The following DACT3 variants were observed in gnomAD, a reference collection of about 807,000 sequenced individuals.
The protein encoded by DACT3 is dishevelled binding antagonist of beta catenin 3.
DACT3 carries 5 observed loss-of-function variants against 19.6 expected under a neutral mutation model. The ratio of observed to expected loss-of-function variants is 0.26; its 90% CI spans 0.13 to 0.54. DACT3 has a LOEUF of 0.54. DACT3 is among the 20% of genes least tolerant of loss of function. The pLI, the probability that DACT3 is intolerant of heterozygous loss-of-function variation, is 0.95. For synonymous variants in DACT3, 454 were observed against 428.1 expected (o/e 1.06, Z -0.75); for missense variants, 908 against 927.4 (o/e 0.98, Z 0.27).
At chr19:46,652,613 C>A in intron 3 of DACT3, 47 bp downstream of exon 3, 2 of 1,540,882 alleles carry the variant, frequency 1.3e-6, no homozygotes, top group African/African-American at 2.7e-5. Context: ...AACCATCCTC[C>A]TACTGTCCTT....
At chr19:46,654,104 G>A in intron 1 of DACT3, 1 of 985,328 alleles carries the variant, frequency 1.0e-6, no homozygotes, top group Non-Finnish European at 1.2e-6. Context: ...ACGTTCCTTT[G>A]CCCTAGAGAC....
Position 46,660,774 on chromosome 19 carries a change from A to G in DACT3, c.249+42T>C, listed in dbSNP as rs2053069480. Reference sequence around the variant, plus strand: ...GAGCATCCAACCGAGACAGACAGACACAGACGGGGGTGGAGGGACGGACGG... The same window carrying G: ...GAGCATCCAACCGAGACAGACAGACGCAGACGGGGGTGGAGGGACGGACGG... On this transcript the variant is annotated intron_variant, in intron 1 of 3. Transcript: ENST00000391916. This position sits in a 1 kb window ranked among gnomAD's most constrained non-coding sequence, Gnocchi z 4.9. The G allele has an allele frequency of 1.4e-6, 2 of 1,443,196 alleles. No homozygotes were observed. Among genetic ancestry groups the G allele is most frequent in the Non-Finnish European group, 1.8e-6 (2 of 1,102,904 alleles). The allele number at this position is 1,443,196 out of a possible 1,614,324, so 89.4% of individuals were successfully genotyped here.
At position 46,659,346 on chromosome 19, in the gene DACT3, A is replaced by T. The variant is rs926599459; in HGVS notation, c.249+1470T>A. ...AGGAGAGGGAGACTGAAGGGCAGAG[A>T]TGGGGAAGGTGAAGGGTGAAAAGGG... is the stretch of plus-strand genomic sequence containing the variant. On this transcript the variant is annotated intron_variant, in intron 1 of 3. Transcript: ENST00000391916. 1.7e-5 allele frequency: 16 copies of T among 944,794 alleles called. No homozygotes were observed. The African/African-American group carries it at 2.8e-4, about 17-fold the overall frequency. 58.5% of individuals were successfully genotyped at this position (944,794 alleles called of 1,614,324 possible). A position where few individuals can be genotyped will look rare whatever the true frequency, so the allele number is the denominator to read the frequency against.
Position 46,648,941 on chromosome 19 carries a change from G to C in DACT3, c.1431C>G (p.Arg477=). 1.5e-6 allele frequency: 2 copies of C among 1,341,464 alleles called. No individual in the cohort carries two copies. Among genetic ancestry groups the C allele is most frequent in the Non-Finnish European group, 1.9e-6 (2 of 1,051,426 alleles). The allele number at this position is 1,341,464 out of a possible 1,614,324, so 83.1% of individuals were successfully genotyped here. A position where few individuals can be genotyped will look rare whatever the true frequency, so the allele number is the denominator to read the frequency against. Residue 477 remains arginine, a synonymous_variant, in exon 4 of 4, where the codon CGC becomes CGG. Coordinates refer to ENST00000391916, the MANE Select transcript of DACT3 (RefSeq NM_145056.3). The surrounding 1 kb of genome is among the most constrained non-coding windows in gnomAD (Gnocchi z 5.1). Reference sequence around the variant, plus strand: ...CGGCAGCGTCGATCTCCGCAGTGGAGCGCCAGCGACGGCAGGACCCTGCGG... The same window carrying C: ...CGGCAGCGTCGATCTCCGCAGTGGACCGCCAGCGACGGCAGGACCCTGCGG... The part of the protein sequence containing the change: ...AQAAGSCRRW[R]STAEIDAADG...
intron 1 of DACT3, chr19:46,655,097 A>C (rs1599791883): frequency 9.1e-5 from 89 of 980,080 alleles, no homozygotes; most frequent in Non-Finnish European, 9.7e-5. Flanking sequence ...TGGCATGCTC[A>C]CTCCCCTCTA....
Position 46,649,278 on chromosome 19 carries a change from G to T in DACT3, c.1094C>A (p.Ala365Glu). The T allele has an allele frequency of 8.3e-7, 1 of 1,209,936 alleles. No homozygotes were observed. The highest frequency in any genetic ancestry group is 1.6e-5 in the African/African-American group (1 of 62,150). The allele number at this position is 1,209,936 out of a possible 1,614,324, so 75.0% of individuals were successfully genotyped here. A position where few individuals can be genotyped will look rare whatever the true frequency, so the allele number is the denominator to read the frequency against. Residue 365 changes from alanine to glutamate, a missense_variant, in exon 4 of 4, where the codon GCG (alanine) becomes GAG (glutamate). Ala to Glu is a moderately radical substitution (Grantham distance 107). Transcript: ENST00000391916. ...VKAQYIPGAQ[A>E]ATRGLPGRAA... The stretch of plus-strand genomic sequence containing the variant: ...GCGGCCAGGGAGGCCTCGGGTGGCC[G>T]CCTGCGCGCCCGGGATGTACTGCGC...
At chr19:46,652,554 G>A in intron 3 of DACT3, 106 bp downstream of exon 3, 1 of 1,220,506 alleles carries the variant, frequency 8.2e-7, no homozygotes, top group Non-Finnish European at 1.1e-6. Flanking sequence ...AAAAGGAAAT[G>A]TCACAGCTGG....
chr19:46,660,797 C>A lies in DACT3; in HGVS notation c.249+19G>T. 6.8e-7 allele frequency: 1 copy of A among 1,469,546 alleles called. No homozygotes were observed. The highest frequency in any genetic ancestry group is 1.3e-5 in the South Asian group (1 of 74,792). 91.0% of individuals were successfully genotyped at this position (1,469,546 alleles called of 1,614,324 possible). A position where few individuals can be genotyped will look rare whatever the true frequency, so the allele number is the denominator to read the frequency against. ...ACACAGACGGGGGTGGAGGGACGGA[C>A]GGACAGGCAGCCCCTTACCAGCTGC... On this transcript the variant is annotated intron_variant, in intron 1 of 3. Coordinates refer to ENST00000391916, the MANE Select transcript of DACT3 (RefSeq NM_145056.3). The surrounding 1 kb of genome is among the most constrained non-coding windows in gnomAD (Gnocchi z 4.9).
In DACT3 at chr19:46,649,639, C is replaced by A; in HGVS notation, c.733G>T (p.Ala245Ser). 8.8e-7 allele frequency: 1 copy of A among 1,142,226 alleles called. No individual in the cohort carries two copies. Among genetic ancestry groups the A allele is most frequent in the Non-Finnish European group, 1.1e-6 (1 of 932,580 alleles). 70.8% of individuals were successfully genotyped at this position (1,142,226 alleles called of 1,614,324 possible). ...PPTDSPDAGG[A>S]GRPLDGYISA... ...ATGTAGCCGTCCAGGGGCCGCCCTG[C>A]GCCCCCCGCGTCGGGCGAGTCGGTG... Residue 245 changes from alanine to serine, a missense_variant, in exon 4 of 4, where the codon GCA becomes TCA. Coordinates refer to ENST00000391916, the MANE Select transcript of DACT3 (RefSeq NM_145056.3).
At position 46,660,713 on chromosome 19, in the gene DACT3, C is replaced by T; in HGVS notation, c.249+103G>A. ...CCCACCCCCTGTCCTTTCTCACTCCCTGCCTACCCGGGTCCCCAACCCCCG... is the reference window on the plus strand; with the variant it reads ...CCCACCCCCTGTCCTTTCTCACTCCTTGCCTACCCGGGTCCCCAACCCCCG... On this transcript the variant is annotated intron_variant, in intron 1 of 3. Coordinates refer to ENST00000391916, the MANE Select transcript of DACT3 (RefSeq NM_145056.3). This position sits in a 1 kb window ranked among gnomAD's most constrained non-coding sequence, Gnocchi z 4.9. The T allele has an allele frequency of 1.4e-6, 2 of 1,401,234 alleles. No individual in the cohort carries two copies. The highest frequency in any genetic ancestry group is 1.8e-6 in the Non-Finnish European group (2 of 1,083,344). 86.8% of individuals were successfully genotyped at this position (1,401,234 alleles called of 1,614,324 possible).
Position 46,652,706 on chromosome 19 carries a change from G to A in DACT3, c.453C>T (p.Pro151=). Residue 151 remains proline (P), a synonymous_variant, in exon 3 of 4, where the codon CCC becomes CCT. Transcript: ENST00000391916. ...SGSSSYGRLG[P]SEPRGIYASE... ...TGGCATAGATGCCCCGGGGCTCAGA[G>A]GGACCCAGGCGACCATAGGAGCTGG... The A allele has an allele frequency of 6.4e-7, 1 of 1,551,568 alleles. No homozygotes were observed. Among genetic ancestry groups the A allele is most frequent in the Non-Finnish European group, 8.7e-7 (1 of 1,146,992 alleles).
Position 46,649,551 on chromosome 19 carries a change from C to T in DACT3, c.821G>A (p.Gly274Asp). The part of the protein sequence containing the change: ...GAGQPRTSPG[G>D]ADGGPRRQNS... ...CTGGCGCCGCGGGCCGCCGTCCGCG[C>T]CCCCGGGACTGGTCCGGGGCTGGCC... Residue 274 changes from glycine (G) to aspartate (D), a missense_variant, in exon 4 of 4, where the codon GGC becomes GAC. By Grantham distance (94) the Gly-to-Asp change is moderately conservative (BLOSUM62 -1). Transcript: ENST00000391916. 1 of 1,049,236 alleles carries T rather than the reference C, an allele frequency of 9.5e-7. No homozygotes were observed. Among genetic ancestry groups the T allele is most frequent in the Middle Eastern group, 4.4e-4 (1 of 2,256 alleles). The allele number at this position is 1,049,236 out of a possible 1,614,324, so 65.0% of individuals were successfully genotyped here.
At chr19:46,653,699 G>A (rs1016133652) in intron 1 of DACT3, among the ~76,000 whole-genome samples, 6 of 151,796 alleles carry the variant, frequency 4.0e-5, no homozygotes, top group East Asian at 1.9e-4. Context: ...GATTACAGGC[G>A]CCCGCCACCA....
Position 46,660,669 on chromosome 19 carries a change from G to T in DACT3, c.249+147C>A. The stretch of plus-strand genomic sequence containing the variant: ...GGAGGCCAGGTCCGGCCCGCCGCCG[G>T]AACTCCGGGGTCGCCAGCCCCACCC... On this transcript the variant is annotated intron_variant, in intron 1 of 3. Coordinates refer to ENST00000391916, the MANE Select transcript of DACT3 (RefSeq NM_145056.3). This position sits in a 1 kb window ranked among gnomAD's most constrained non-coding sequence, Gnocchi z 4.9. 7.3e-7 allele frequency: 1 copy of T among 1,365,074 alleles called. No individual in the cohort carries two copies. Among genetic ancestry groups the T allele is most frequent in the Non-Finnish European group, 9.4e-7 (1 of 1,060,326 alleles). 84.6% of individuals were successfully genotyped at this position (1,365,074 alleles called of 1,614,324 possible). A position where few individuals can be genotyped will look rare whatever the true frequency, so the allele number is the denominator to read the frequency against.
chr19:46,653,012 C>G lies in DACT3; in HGVS notation c.313G>C (p.Gly105Arg), dbSNP rs2053002088. The change falls in exon 2 of 4, where the codon GGG becomes CGG. Residue 105 changes from glycine to arginine, a missense_variant. By Grantham distance (125) the Gly-to-Arg change is moderately radical. Around this residue, in one of 2 missense-constraint regions of DACT3, gnomAD observed 252 missense variants for 325.6 expected, o/e 0.77. Transcript: ENST00000391916. ...QQLGDLSLES[G>R]GLEQESGRSS... ...CGCCCGCTCTCCTGTTCCAGGCCCC[C>G]AGACTCCAGGCTCAGGTCTCCCAGC... 6.4e-7 allele frequency: 1 copy of G among 1,551,556 alleles called. No individual in the cohort carries two copies. The highest frequency in any genetic ancestry group is 8.7e-7 in the Non-Finnish European group (1 of 1,147,004).
Position 46,661,101 on chromosome 19 carries a change from C to A in DACT3, c.-37G>T. The A allele has an allele frequency of 7.2e-7, 1 of 1,388,796 alleles. No homozygotes were observed. The highest frequency in any genetic ancestry group is 9.3e-7 in the Non-Finnish European group (1 of 1,079,422). The allele number at this position is 1,388,796 out of a possible 1,614,324, so 86.0% of individuals were successfully genotyped here. ...CCCGCCCCAGCCCGGCCGGGCCCCG[C>A]GGCCACCCCTCTCCCGGTCCCACCT... is the stretch of plus-strand genomic sequence containing the variant. On this transcript the variant is annotated 5_prime_UTR_variant, in exon 1 of 4. Transcript: ENST00000391916.
Position 46,648,701 on chromosome 19 carries a change from C to A in DACT3, c.1671G>T (p.Ser557=), listed in dbSNP as rs1338189667. The A allele has an allele frequency of 1.2e-6, 2 of 1,609,738 alleles. No homozygotes were observed. Among genetic ancestry groups the A allele is most frequent in the Admixed American group, 3.3e-5 (2 of 59,788 alleles). Residue 557 remains serine, a synonymous_variant, in exon 4 of 4, where the codon TCG becomes TCT. Coordinates refer to ENST00000391916, the MANE Select transcript of DACT3 (RefSeq NM_145056.3). The surrounding 1 kb of genome is among the most constrained non-coding windows in gnomAD (Gnocchi z 5.1). The stretch of plus-strand genomic sequence containing the variant: ...CGCTGGAGGCAGAGCTGAAGGCAGG[C>A]GATTCTCCCTCGCTGGCGCTCGATT... ...ESESSASEGE[S]PAFSSASSDS...
In DACT3 at chr19:46,649,662, G is replaced by T; in HGVS notation, c.710C>A (p.Thr237Asn). The T allele has an allele frequency of 8.6e-7, 1 of 1,165,446 alleles. No individual in the cohort carries two copies. The highest frequency in any genetic ancestry group is 1.1e-6 in the Non-Finnish European group (1 of 946,312). The allele number at this position is 1,165,446 out of a possible 1,614,324, so 72.2% of individuals were successfully genotyped here. Residue 237 changes from threonine to asparagine, a missense_variant, in exon 4 of 4, where the codon ACC becomes AAC. Around this residue, in one of 2 missense-constraint regions of DACT3, gnomAD observed 656 missense variants for 601.8 expected, o/e 1.09. Transcript: ENST00000391916. ...TGCGCCCCCCGCGTCGGGCGAGTCG[G>T]TGGGAGGGCGGCCGCAGGGCCGCGG... ...RSPRPCGRPP[T>N]DSPDAGGAGR...
intron 1 of DACT3, among the ~76,000 whole-genome samples, chr19:46,656,327 T>C (rs2053034311): frequency 1.3e-5 from 2 of 151,322 alleles, no homozygotes; most frequent in South Asian, 2.1e-4. Flanking sequence ...TGGGATTGCA[T>C]GCGTGAGCCA....
Sources: gnomAD v4.1 joint callset for allele counts (sites outside exome capture counted in the v4.1 genomes callset) on GRCh38, gnomAD v4.1.1 for gene constraint, gnomAD v4.1.1 regional missense constraint, Gnocchi (gnomAD v3.1) non-coding constraint, MANE v1.5 for transcripts, NCBI Gene and HGNC (gene_info 2026-07-23, HGNC 2026-07-21) for gene names.